Variants in RYR2 observed in about 807,000 individuals in gnomAD.
The protein encoded by RYR2 is ryanodine receptor 2.
In RYR2, 227 loss-of-function variants were observed where a neutral mutation model predicts 601.1. The observed-to-expected ratio is 0.38, with a 90% CI of 0.34 to 0.42. The LOEUF (loss-of-function observed/expected upper bound fraction) is 0.42, where lower values mean the gene tolerates loss of function less well. Ranked by LOEUF, RYR2 falls within the 10% of genes least tolerant of loss-of-function variation. The pLI is 1.00. For synonymous variants in RYR2, 2,223 were observed against 2,175.1 expected (o/e 1.02, Z -0.61); for missense variants, 4,646 against 6,156.5 (o/e 0.75, Z 8.21).
At chr1:237,216,724 A>T (rs143674686) in intron 1 of RYR2, among the ~76,000 whole-genome samples, 109 of 151,386 alleles carry the variant, frequency 7.2e-4, no homozygotes, top group African/African-American at 2.5e-3. Flanking sequence ...CGACACGGTA[A>T]GACTCCTTTT....
At chr1:237,243,034 G>A (rs1004483849) in intron 1 of RYR2, among the ~76,000 whole-genome samples, 2 of 151,900 alleles carry the variant, frequency 1.3e-5, no homozygotes, top group Admixed American at 6.6e-5. Flanking sequence ...TGTTGGCTTC[G>A]TATGCAGGCA....
chr1:237,282,898 G>A (rs1378451842), intron 2 of RYR2, among the ~76,000 whole-genome samples: 4 of 152,212 alleles, frequency 2.6e-5, no homozygotes, highest in Non-Finnish European at 5.9e-5. Flanking sequence ...GTAAAGTCAG[G>A]TTTCAAATGC....
intron 10 of RYR2, among the ~76,000 whole-genome samples, chr1:237,390,732 C>G (rs1190998126): frequency 6.6e-6 from 1 of 152,084 alleles, no homozygotes; most frequent in Non-Finnish European, 1.5e-5. Flanking sequence ...TAATCATGTT[C>G]TGGACCCACT....
At chr1:237,175,119 G>A (rs890924525) in intron 1 of RYR2, among the ~76,000 whole-genome samples, 1 of 152,070 alleles carries the variant, frequency 6.6e-6, no homozygotes, top group Non-Finnish European at 1.5e-5. Context: ...CAATCTGAAG[G>A]CTCATATTTT....
At chr1:237,126,488 C>T (rs1671437853) in intron 1 of RYR2, among the ~76,000 whole-genome samples, 1 of 152,148 alleles carries the variant, frequency 6.6e-6, no homozygotes, top group South Asian at 2.1e-4. Context: ...TATCTCCCTC[C>T]CTCCTACCCC....
At chr1:237,267,595 C>G (rs1370122755) in intron 1 of RYR2, 2 of 312,822 alleles carry the variant, frequency 6.4e-6, no homozygotes, top group Non-Finnish European at 1.3e-5. Flanking sequence ...TTTCTGGGTC[C>G]CTTTCTGGGC....
At position 237,390,040 on chromosome 1, in the gene RYR2, A is replaced by G. The variant is rs1572103191; in HGVS notation, c.773+1857A>G. Among the ~76,000 whole-genome samples the G allele has an allele frequency of 2.6e-5, 4 of 152,304 alleles. No individual in the cohort carries two copies. In the South Asian group the frequency reaches 8.3e-4, roughly 32 times the overall value. Reference sequence around the variant, plus strand: ...CTGATGTTTAGGATGTGGGCAGAGAAATAAGAGTCAGCAAGAGAGTCAGAG... The same window carrying G: ...CTGATGTTTAGGATGTGGGCAGAGAGATAAGAGTCAGCAAGAGAGTCAGAG... On this transcript the variant is annotated intron_variant, in intron 10 of 104. Transcript: ENST00000366574.
chr1:237,462,922 C>T (rs909911670), intron 16 of RYR2, among the ~76,000 whole-genome samples: 3 of 152,130 alleles, frequency 2.0e-5, no homozygotes, highest in Non-Finnish European at 4.4e-5. Flanking sequence ...GTGATAGTCT[C>T]ATTGTCCCTT....
At chr1:237,704,447 G>A (rs1035692685) in intron 66 of RYR2, among the ~76,000 whole-genome samples, 1 of 151,730 alleles carries the variant, frequency 6.6e-6, no homozygotes, top group Non-Finnish European at 1.5e-5. Context: ...ATTACATTTA[G>A]AATTTCTATT....
intron 2 of RYR2, among the ~76,000 whole-genome samples, chr1:237,275,947 C>T (rs1442538184): frequency 6.6e-6 from 1 of 151,962 alleles, no homozygotes; most frequent in Admixed American, 6.6e-5. Flanking sequence ...TTAAAATGTA[C>T]ACTATTAATT....
intron 29 of RYR2, among the ~76,000 whole-genome samples, chr1:237,586,729 CT>C (rs1195336566): frequency 1.3e-5 from 2 of 149,052 alleles, no homozygotes; most frequent in Admixed American, 1.3e-4. Context: ...TTTTTTTTTT[CT>C]TTTTTTTGAG....
At chr1:237,261,794 A>G (rs1014058054) in intron 1 of RYR2, among the ~76,000 whole-genome samples, 12 of 151,930 alleles carry the variant, frequency 7.9e-5, no homozygotes, top group East Asian at 7.7e-4. Flanking sequence ...CACCCCCTCA[A>G]TGAGGCCCTG....
At position 237,615,461 on chromosome 1, in the gene RYR2, G is replaced by A. The variant is rs529189076; in HGVS notation, c.5715+618G>A. Among the ~76,000 whole-genome samples, 65 of 152,216 alleles carry A rather than the reference G, an allele frequency of 4.3e-4. 1 individual carries two copies. In the South Asian group the frequency reaches 0.013, roughly 30 times the overall value. ...CACTCCTCATGCTCCCAAAATGCTAGGATTACAAGTGTAAGCCACTGCACC... is the reference window on the plus strand; with the variant it reads ...CACTCCTCATGCTCCCAAAATGCTAAGATTACAAGTGTAAGCCACTGCACC... On this transcript the variant is annotated intron_variant, in intron 37 of 104. Coordinates refer to ENST00000366574, the MANE Select transcript of RYR2 (RefSeq NM_001035.3).
At chr1:237,653,942 C>T (rs943170551) in intron 51 of RYR2, among the ~76,000 whole-genome samples, 1 of 152,198 alleles carries the variant, frequency 6.6e-6, no homozygotes, top group Non-Finnish European at 1.5e-5. Flanking sequence ...GCCGTGCTGG[C>T]AGCTGATTAG....
intron 89 of RYR2, among the ~76,000 whole-genome samples, chr1:237,782,898 C>T (rs186519066): frequency 4.3e-4 from 65 of 152,254 alleles, no homozygotes; most frequent in Middle Eastern, 3.4e-3. Flanking sequence ...GGCTCCAGAT[C>T]CCACACTCTT....
intron 97 of RYR2, among the ~76,000 whole-genome samples, chr1:237,801,469 G>C (rs1033264588): frequency 1.3e-5 from 2 of 150,582 alleles, no homozygotes; most frequent in Non-Finnish European, 2.9e-5. Flanking sequence ...TTGAACCGGG[G>C]AGGCAGAGAT....
rs759754413 is a variant in RYR2 at position 237,733,805 on chromosome 1, A to G, written c.11091+49A>G. 10 of 1,244,546 alleles carry G rather than the reference A, an allele frequency of 8.0e-6. No individual in the cohort carries two copies. In the South Asian group the frequency reaches 1.2e-4, roughly 15 times the overall value. 77.1% of individuals were successfully genotyped at this position (1,244,546 alleles called of 1,614,324 possible). On this transcript the variant is annotated intron_variant, in intron 79 of 104. Coordinates refer to ENST00000366574, the MANE Select transcript of RYR2 (RefSeq NM_001035.3). ...TTCATGTTTAATTTTAATAAAGGGA[A>G]GTAACTTTCATCTGAAAAGGATAAG... is the stretch of plus-strand genomic sequence containing the variant.
intron 2 of RYR2, among the ~76,000 whole-genome samples, chr1:237,285,405 T>C (rs1352687973): frequency 6.6e-6 from 1 of 152,228 alleles, no homozygotes; most frequent in Non-Finnish European, 1.5e-5. Flanking sequence ...ATTATCTTTT[T>C]GATATGTTGT....
Position 237,661,882 on chromosome 1 carries a change from G to A in RYR2, c.8436+935G>A, listed in dbSNP as rs999287258. Among the ~76,000 whole-genome samples the A allele has an allele frequency of 3.3e-5, 5 of 152,214 alleles. No individual in the cohort carries two copies. The East Asian group carries it at 7.7e-4, about 24-fold the overall frequency. On this transcript the variant is annotated intron_variant, in intron 56 of 104. Coordinates refer to ENST00000366574, the MANE Select transcript of RYR2 (RefSeq NM_001035.3). ...TGTGGAAAAGCTAGAGTTCAGGGAG[G>A]ACACCAAATACCACCCGTTAACATT...
Sources: allele counts gnomAD v4.1 joint callset (sites outside exome capture counted in the v4.1 genomes callset), GRCh38; gene constraint gnomAD v4.1.1; transcripts MANE v1.5; gene names NCBI Gene and HGNC (gene_info 2026-07-23, HGNC 2026-07-21).